NTRK2: variants seen among roughly 807,000 people sequenced by gnomAD.
The protein encoded by NTRK2 is neurotrophic receptor tyrosine kinase 2.
Under a neutral mutation model 94.5 loss-of-function variants are expected in NTRK2, and 13 were observed. The observed-to-expected ratio is 0.14, with a 90% CI of 0.09 to 0.22. The LOEUF (loss-of-function observed/expected upper bound fraction) is 0.22, where lower values mean the gene tolerates loss of function less well. Among genes scored for constraint, NTRK2 ranks in the 10% least tolerant of loss-of-function variants. The pLI is 1.00. For missense variants in NTRK2, 639 were observed against 1,071.2 expected (o/e 0.60, Z 5.63); for synonymous variants, 372 against 407.4 (o/e 0.91, Z 1.05).
chr9:84,808,231 A>G (rs1456894359), intron 12 of NTRK2, among the ~76,000 whole-genome samples: 1 of 152,158 alleles, frequency 6.6e-6, no homozygotes, highest in Admixed American at 6.6e-5. Flanking sequence ...TCCAACTGTA[A>G]TAATTAGTGA....
intron 17 of NTRK2, among the ~76,000 whole-genome samples, chr9:84,967,040 C>G (rs777033583): frequency 2.0e-5 from 3 of 152,182 alleles, no homozygotes; most frequent in Non-Finnish European, 1.5e-5. Context: ...TTCATTGAAC[C>G]ATGACATTTC....
chr9:84,763,297 T>G (rs2065751337), intron 12 of NTRK2, among the ~76,000 whole-genome samples: 1 of 152,258 alleles, frequency 6.6e-6, no homozygotes, highest in South Asian at 2.1e-4. Context: ...ACCCTCATAC[T>G]TGACCTGGGG....
At chr9:84,877,668 C>A (rs1453875475) in intron 14 of NTRK2, 30 of 1,063,674 alleles carry the variant, frequency 2.8e-5, no homozygotes, top group Non-Finnish European at 3.4e-5. Flanking sequence ...AACTTTATTT[C>A]CCTCTCCCAC....
chr9:84,771,839 A>T (rs930516811), intron 12 of NTRK2, among the ~76,000 whole-genome samples: 1 of 152,206 alleles, frequency 6.6e-6, no homozygotes, highest in Non-Finnish European at 1.5e-5. Flanking sequence ...TTTCCTGTTA[A>T]TCTTCCCACT....
chr9:84,709,797 T>C (rs2061319845), intron 5 of NTRK2, among the ~76,000 whole-genome samples: 1 of 152,118 alleles, frequency 6.6e-6, no homozygotes. Context: ...TTTTTTTTCC[T>C]TGTGGTTTTT....
intron 17 of NTRK2, among the ~76,000 whole-genome samples, chr9:84,965,939 T>C (rs1243616048): frequency 6.6e-6 from 1 of 152,148 alleles, no homozygotes; most frequent in Admixed American, 6.5e-5. Context: ...TATTGTTACA[T>C]CAACGTAGCA....
At position 84,790,365 on chromosome 9, in the gene NTRK2, A is replaced by G. The variant is rs557257255; in HGVS notation, c.1396+38280A>G. ...GTCTGGCTGTTCTAAGCAGTGGATAATGAAAAAAAGCAGAGCCTTCTTATT... is the reference window on the plus strand; with the variant it reads ...GTCTGGCTGTTCTAAGCAGTGGATAGTGAAAAAAAGCAGAGCCTTCTTATT... On this transcript the variant is annotated intron_variant, in intron 12 of 18. Transcript: ENST00000277120. Among the ~76,000 whole-genome samples the G allele has an allele frequency of 5.9e-5, 9 of 152,300 alleles. 1 individual carries two copies. The South Asian group carries it at 1.7e-3, about 28-fold the overall frequency.
At chr9:84,870,331 G>GTGTGTGTATATATATATATATATA (rs1349303529) in intron 14 of NTRK2, among the ~76,000 whole-genome samples, 6 of 31,180 alleles carry the variant, frequency 1.9e-4, no homozygotes, top group Non-Finnish European at 2.7e-4. Context: ...GTGTGTGTGT[G>GTGTGTGTATATATATATATATATA]TATATATATA....
rs753080405 is a variant in NTRK2 at position 84,797,647 on chromosome 9, A to ATATT, written c.1396+45562_1396+45563insTATT. ...ATATATTATATATTATATATACTAT[A>ATATT]ATAATATATATATTATATATTATAT... On this transcript the variant is annotated intron_variant, in intron 12 of 18. Transcript: ENST00000277120. 1.6e-3 allele frequency among the ~76,000 whole-genome samples: 88 copies of ATATT among 53,624 alleles called. 5 individuals carry two copies. The East Asian group carries it at 0.017, about 10-fold the overall frequency. The allele number at this position is 53,624 out of a possible 152,430, so 35.2% of individuals were successfully genotyped here.
chr9:84,670,498 G>A lies in NTRK2; in HGVS notation c.-251G>A. 1.8e-6 allele frequency: 1 copy of A among 541,872 alleles called. No individual in the cohort carries two copies. Among genetic ancestry groups the A allele is most frequent in the Non-Finnish European group, 3.3e-6 (1 of 300,354 alleles). The allele number at this position is 541,872 out of a possible 1,614,324, so 33.6% of individuals were successfully genotyped here. A position where few individuals can be genotyped will look rare whatever the true frequency, so the allele number is the denominator to read the frequency against. ...GCCATGCAGCGACGGCCGCCGCGGA[G>A]CTCCGAGCAGCGGTAGCGCCCCCCT... On this transcript the variant is annotated 5_prime_UTR_variant, in exon 2 of 19. Coordinates refer to ENST00000277120, the MANE Select transcript of NTRK2 (RefSeq NM_006180.6).
chr9:84,980,723 G>A (rs532192123), intron 17 of NTRK2, among the ~76,000 whole-genome samples: 1 of 152,356 alleles, frequency 6.6e-6, no homozygotes, highest in East Asian at 1.9e-4. Flanking sequence ...CCCATACAAA[G>A]GGCAGAGGAT....
intron 12 of NTRK2, among the ~76,000 whole-genome samples, chr9:84,778,032 C>T (rs1350725082): frequency 6.6e-6 from 1 of 152,038 alleles, no homozygotes; most frequent in South Asian, 2.1e-4. Flanking sequence ...GAGGCAGAAG[C>T]GGGTGGACTG....
chr9:85,010,991 T>G (rs894413233), intron 17 of NTRK2, among the ~76,000 whole-genome samples: 1 of 152,142 alleles, frequency 6.6e-6, no homozygotes, highest in Middle Eastern at 3.2e-3. Flanking sequence ...TGCCCCTGTA[T>G]ACACCTTATT....
chr9:84,946,039 GCC>G (rs1382175766), intron 15 of NTRK2, among the ~76,000 whole-genome samples: 8 of 152,214 alleles, frequency 5.3e-5, no homozygotes, highest in Non-Finnish European at 8.8e-5. Context: ...AAGCACCGAG[GCC>G]GTGATCTAGA....
At chr9:84,829,173 A>G (rs1399171647) in intron 12 of NTRK2, among the ~76,000 whole-genome samples, 3 of 151,806 alleles carry the variant, frequency 2.0e-5, no homozygotes, top group African/African-American at 7.3e-5. Context: ...TAATTTTTGC[A>G]TTTTTAGTAG....
chr9:84,924,744 CT>C (rs1425993294), intron 14 of NTRK2, among the ~76,000 whole-genome samples: 3 of 152,134 alleles, frequency 2.0e-5, no homozygotes, highest in Non-Finnish European at 4.4e-5. Flanking sequence ...TTGCTTTTAT[CT>C]GCTGTAACAT....
chr9:85,018,382 A>G (rs1467626774), intron 17 of NTRK2, among the ~76,000 whole-genome samples: 1 of 152,232 alleles, frequency 6.6e-6, no homozygotes, highest in African/African-American at 2.4e-5. Flanking sequence ...CAAAGTGCCC[A>G]GCCTTTTCTG....
At chr9:84,761,261 T>C (rs768563792) in intron 12 of NTRK2, among the ~76,000 whole-genome samples, 2 of 152,170 alleles carry the variant, frequency 1.3e-5, no homozygotes, top group Non-Finnish European at 2.9e-5. Context: ...CATCTCTGTC[T>C]TCAGCGACAG....
At chr9:84,878,946 C>T (rs1173664016) in intron 14 of NTRK2, among the ~76,000 whole-genome samples, 1 of 152,172 alleles carries the variant, frequency 6.6e-6, no homozygotes, top group African/African-American at 2.4e-5. Flanking sequence ...TCCTCACTGC[C>T]TCGTCTTCCC....
Sources: gnomAD v4.1 joint callset for allele counts (sites outside exome capture counted in the v4.1 genomes callset) on GRCh38, gnomAD v4.1.1 for gene constraint, MANE v1.5 for transcripts, NCBI Gene and HGNC (gene_info 2026-07-23, HGNC 2026-07-21) for gene names.